RPS6KC1: variants seen among roughly 807,000 people sequenced by gnomAD.
RPS6KC1 encodes inactive ribosomal protein S6 kinase delta-1.
RPS6KC1 carries 54 observed loss-of-function variants against 103.8 expected under a neutral mutation model. The ratio of observed to expected loss-of-function variants is 0.52; its 90% confidence interval spans 0.42 to 0.65. RPS6KC1 has a LOEUF of 0.65. RPS6KC1 is among the 30% of genes least tolerant of loss of function. The pLI, the probability that RPS6KC1 is intolerant of heterozygous loss-of-function variation, is 0.00. For missense variants in RPS6KC1, 1,151 were observed against 1,253.8 expected (o/e 0.92, Z 1.24); for synonymous variants, 439 against 438.7 (o/e 1.00, Z -0.01).
At chr1:213,477,955 A>G in the RPS6KC1 span, among the ~76,000 whole-genome samples, 1 of 152,314 alleles carries the variant, frequency 6.6e-6, no homozygotes, top group South Asian at 2.1e-4. Flanking sequence ...ACAAATGTAT[A>G]ACATGTATCC....
rs17020299 is a variant in RPS6KC1 at position 213,237,020 on chromosome 1, A to G, written c.1226-3682A>G. On this transcript the variant is annotated intron_variant, in intron 10 of 14. Coordinates refer to ENST00000366960, the MANE Select transcript of RPS6KC1 (RefSeq NM_012424.6). ...TAGGTACTCTTTTAACAGTAATTAT[A>G]TATCTTCCAATAACTTTCTATGTTT... Among the ~76,000 whole-genome samples, 673 of 152,240 alleles carry G rather than the reference A, an allele frequency of 4.4e-3. 4 individuals carry two copies. The highest frequency in any genetic ancestry group is 0.015 in the African/African-American group (639 of 41,554).
Position 213,241,451 on chromosome 1 carries a change from A to C in RPS6KC1, c.1975A>C (p.Thr659Pro). ...ESKVEFKAQD[T>P]ISRGSDDSVP... ...CAAGGTAGAGTTTAAAGCTCAGGAC[A>C]CCATTAGCAGGGGCTCAGATGACTC... Residue 659 changes from threonine to proline, a missense_variant, in exon 11 of 15, where the codon ACC (threonine) becomes CCC (proline). By Grantham distance (38) the Thr-to-Pro change is conservative (BLOSUM62 -1). Transcript: ENST00000366960. The C allele has an allele frequency of 6.2e-7, 1 of 1,614,016 alleles. No homozygotes were observed. Among genetic ancestry groups the C allele is most frequent in the Non-Finnish European group, 8.5e-7 (1 of 1,179,948 alleles).
the RPS6KC1 span, among the ~76,000 whole-genome samples, chr1:213,316,453 AT>A: frequency 1.3e-5 from 2 of 152,212 alleles, no homozygotes; most frequent in Admixed American, 6.5e-5. Flanking sequence ...ACATTACCAA[AT>A]TGGGACGATA....
At chr1:213,270,691 T>G (rs1426306290) in intron 14 of RPS6KC1, among the ~76,000 whole-genome samples, 1 of 152,022 alleles carries the variant, frequency 6.6e-6, no homozygotes, top group Non-Finnish European at 1.5e-5. Context: ...TATTTGCAAA[T>G]CATGTATCTG....
downstream of RPS6KC1, among the ~76,000 whole-genome samples, chr1:213,275,139 TC>T (rs1438067938): frequency 6.6e-6 from 1 of 152,194 alleles, no homozygotes; most frequent in Non-Finnish European, 1.5e-5. Flanking sequence ...TATCAGAATT[TC>T]CTCCCTTTTA....
chr1:213,272,610 G>C lies in RPS6KC1; in HGVS notation c.3177G>C (p.Val1059=). ...DIKSHPFFTP[V]DWAELMR ...AATCTCATCCATTTTTTACCCCTGT[G>C]GATTGGGCAGAACTGATGAGATGAA... is the stretch of plus-strand genomic sequence containing the variant. Residue 1059 remains valine, a synonymous_variant, in exon 15 of 15, where the codon GTG becomes GTC. Coordinates refer to ENST00000366960, the MANE Select transcript of RPS6KC1 (RefSeq NM_012424.6). 1 of 1,613,232 alleles carries C rather than the reference G, an allele frequency of 6.2e-7. No individual in the cohort carries two copies. Among genetic ancestry groups the C allele is most frequent in the Non-Finnish European group, 8.5e-7 (1 of 1,179,296 alleles).
In RPS6KC1 at chr1:213,268,262, T is replaced by C. The variant is rs952110529; in HGVS notation, c.3091-4262T>C. ...TCAAAAACATGGAGATCAGAAGATA[T>C]TGGAATGACACAGTCAAAGTGCTGA... On this transcript the variant is annotated intron_variant, in intron 14 of 14. Transcript: ENST00000366960. Among the ~76,000 whole-genome samples, 18 of 151,896 alleles carry C rather than the reference T, an allele frequency of 1.2e-4. 1 individual carries two copies. The highest frequency in any genetic ancestry group is 2.1e-4 in the South Asian group (1 of 4,826).
At chr1:213,770,609 A>T in the RPS6KC1 span, among the ~76,000 whole-genome samples, 2 of 151,884 alleles carry the variant, frequency 1.3e-5, no homozygotes, top group Non-Finnish European at 2.9e-5. Flanking sequence ...CAGTGGAAAG[A>T]CCCTCCCTCA....
At chr1:213,602,198 C>CTTTCTTTT in the RPS6KC1 span, among the ~76,000 whole-genome samples, 1 of 84,782 alleles carries the variant, frequency 1.2e-5, no homozygotes, top group Non-Finnish European at 2.2e-5. Flanking sequence ...TTTTCCCTCC[C>CTTTCTTTT]TCCCTCCCTC....
intron 6 of RPS6KC1, among the ~76,000 whole-genome samples, chr1:213,136,903 G>C (rs1422579032): frequency 6.6e-6 from 1 of 152,086 alleles, no homozygotes. Flanking sequence ...TTGCTATGTT[G>C]CCCAGACTGT....
chr1:213,267,496 G>A (rs2094939269), intron 14 of RPS6KC1, among the ~76,000 whole-genome samples: 3 of 151,942 alleles, frequency 2.0e-5, no homozygotes, highest in African/African-American at 7.2e-5. Flanking sequence ...TTTCAGTGAA[G>A]TGTAGTGTAA....
the RPS6KC1 span, among the ~76,000 whole-genome samples, chr1:213,527,868 T>C: frequency 6.6e-6 from 1 of 152,178 alleles, no homozygotes; most frequent in Non-Finnish European, 1.5e-5. Flanking sequence ...ATACATTTTG[T>C]ATGTTATATA....
In RPS6KC1 at chr1:213,240,813, C is replaced by T; in HGVS notation, c.1337C>T (p.Pro446Leu). 1 of 1,613,894 alleles carries T rather than the reference C, an allele frequency of 6.2e-7. No homozygotes were observed. The highest frequency in any genetic ancestry group is 8.5e-7 in the Non-Finnish European group (1 of 1,179,878). Residue 446 changes from proline (P) to leucine (L), a missense_variant, in exon 11 of 15, where the codon CCA becomes CTA. Pro to Leu is a moderately conservative substitution (Grantham distance 98, BLOSUM62 -3). This residue lies in a region of RPS6KC1 where 959 missense variants were observed against 1,006.3 expected (regional missense o/e 0.95). Transcript: ENST00000366960. ...PTLAKVHLQQ[P>L]TSSPQDSSSF... ...CTTGCAAAAGTTCACCTGCAGCAGC[C>T]AACTTCTAGTCCTCAGGACAGCAGT...
the RPS6KC1 span, among the ~76,000 whole-genome samples, chr1:213,744,188 G>A: frequency 6.6e-6 from 1 of 151,960 alleles, no homozygotes; most frequent in African/African-American, 2.4e-5. Flanking sequence ...TACACTGCTC[G>A]GGTGATGGGT....
chr1:213,513,632 A>G, the RPS6KC1 span, among the ~76,000 whole-genome samples: 2 of 152,210 alleles, frequency 1.3e-5, no homozygotes, highest in Non-Finnish European at 2.9e-5. Context: ...AACAAATACA[A>G]AAGCAAGCAA....
At position 213,144,814 on chromosome 1, in the gene RPS6KC1, C is replaced by T. The variant is rs1045120719; in HGVS notation, c.835+14925C>T. ...GATTCAGGGCCAGTGCAGAGGTTCA[C>T]GCCTGTAATCCCAGAATTTTGGGAG... On this transcript the variant is annotated intron_variant, in intron 6 of 14. Transcript: ENST00000366960. 7.2e-5 allele frequency among the ~76,000 whole-genome samples: 11 copies of T among 152,150 alleles called. No individual in the cohort carries two copies. In the East Asian group the frequency reaches 9.6e-4, roughly 13 times the overall value.
At chr1:213,673,255 G>C in the RPS6KC1 span, among the ~76,000 whole-genome samples, 1 of 152,222 alleles carries the variant, frequency 6.6e-6, no homozygotes, top group Non-Finnish European at 1.5e-5. Flanking sequence ...CAGGAGATAA[G>C]CTGGAATAAG....
the RPS6KC1 span, among the ~76,000 whole-genome samples, chr1:213,733,292 T>C: frequency 6.6e-6 from 1 of 151,686 alleles, no homozygotes; most frequent in South Asian, 2.1e-4. Context: ...CAGGCTGCAG[T>C]ACAGTGGTGC....
chr1:213,097,840 T>G (rs1399906563), intron 3 of RPS6KC1, among the ~76,000 whole-genome samples: 1 of 152,208 alleles, frequency 6.6e-6, no homozygotes, highest in Non-Finnish European at 1.5e-5. Flanking sequence ...AAACCTCATG[T>G]ACCAACCTCT....
Sources: allele counts gnomAD v4.1 joint callset (sites outside exome capture counted in the v4.1 genomes callset), GRCh38; gene constraint gnomAD v4.1.1; regional missense constraint gnomAD v4.1.1; transcripts MANE v1.5; gene names NCBI Gene and HGNC (gene_info 2026-07-23, HGNC 2026-07-21).